ERC2: variants seen among roughly 807,000 people sequenced by gnomAD.
ERC2 encodes ERC protein 2.
In ERC2, 42 loss-of-function variants were observed where a neutral mutation model predicts 114.8. The observed-to-expected ratio is 0.37, with a 90% CI of 0.29 to 0.47. The LOEUF is 0.47. Among genes scored for constraint, ERC2 ranks in the 20% least tolerant of loss-of-function variants. The pLI, the probability that ERC2 is intolerant of heterozygous loss-of-function variation, is 0.99. For synonymous variants in ERC2, 454 were observed against 425.5 expected (o/e 1.07, Z -0.82); for missense variants, 939 against 1,150.7 (o/e 0.82, Z 2.66).
chr3:55,946,852 A>G (rs1321286988), intron 13 of ERC2, among the ~76,000 whole-genome samples: 1 of 152,206 alleles, frequency 6.6e-6, no homozygotes, highest in Non-Finnish European at 1.5e-5. Context: ...CCTCTGAGAA[A>G]CAATAATTCA....
chr3:55,749,984 C>A (rs1344402466), intron 14 of ERC2, among the ~76,000 whole-genome samples: 1 of 152,176 alleles, frequency 6.6e-6, no homozygotes, highest in Non-Finnish European at 1.5e-5. Context: ...GAAAAGATAT[C>A]TTTAAGGATG....
At chr3:55,823,494 G>A (rs1296543393) in intron 14 of ERC2, among the ~76,000 whole-genome samples, 2 of 152,008 alleles carry the variant, frequency 1.3e-5, no homozygotes, top group African/African-American at 2.4e-5. Flanking sequence ...TACCCAGCCT[G>A]AGTCATTCAT....
At chr3:55,680,209 G>A (rs772127507) in intron 17 of ERC2, among the ~76,000 whole-genome samples, 13 of 152,222 alleles carry the variant, frequency 8.5e-5, no homozygotes, top group Middle Eastern at 6.8e-3. Context: ...TTTATGAATC[G>A]GGTCCTAAAA....
intron 14 of ERC2, among the ~76,000 whole-genome samples, chr3:55,864,095 AG>A: frequency 1.0e-5 from 1 of 98,012 alleles, no homozygotes; most frequent in Middle Eastern, 5.0e-3. Flanking sequence ...AATCAGCAGC[AG>A]GTATATATAT....
chr3:56,381,621 C>T (rs1228148326), intron 2 of ERC2, among the ~76,000 whole-genome samples: 1 of 148,688 alleles, frequency 6.7e-6, no homozygotes, highest in Non-Finnish European at 1.5e-5. Context: ...CAAAGATCAA[C>T]TTAAGGAGAA....
At chr3:55,734,087 C>T (rs2065471509) in intron 15 of ERC2, among the ~76,000 whole-genome samples, 1 of 152,170 alleles carries the variant, frequency 6.6e-6, no homozygotes, top group African/African-American at 2.4e-5. Context: ...AGAAAACCTT[C>T]CAGAGAGCAA....
At chr3:56,412,875 A>G (rs2060996149) in intron 2 of ERC2, among the ~76,000 whole-genome samples, 1 of 152,258 alleles carries the variant, frequency 6.6e-6, no homozygotes, top group Non-Finnish European at 1.5e-5. Context: ...CTATAAAGTC[A>G]GGAATATGGC....
intron 3 of ERC2, among the ~76,000 whole-genome samples, chr3:56,181,626 T>C (rs531255963): frequency 2.4e-4 from 36 of 152,344 alleles, no homozygotes; most frequent in African/African-American, 7.0e-4. Context: ...CAACATTCTC[T>C]TTATAAAGTG....
At position 55,994,647 on chromosome 3, in the gene ERC2, T is replaced by TAAAAAAAAAAAAAAAAAAAAAAA. The variant is rs10662566; in HGVS notation, c.2062-2420_2062-2398dup. On this transcript the variant is annotated intron_variant, in intron 10 of 17. Transcript: ENST00000288221. Reference sequence around the variant, plus strand: ...CATTGACAAGATACTACATACTCCCTAAAAAAAAAAAAAAAAAAAAAAAAA... The same window carrying TAAAAAAAAAAAAAAAAAAAAAAA: ...CATTGACAAGATACTACATACTCCCTAAAAAAAAAAAAAAAAAAAAAAAAAAAAAAAAAAAAAAAAAAAAAAAA... Among the ~76,000 whole-genome samples, 15 of 61,396 alleles carry TAAAAAAAAAAAAAAAAAAAAAAA rather than the reference T, an allele frequency of 2.4e-4. 7 individuals carry two copies. Among genetic ancestry groups the TAAAAAAAAAAAAAAAAAAAAAAA allele is most frequent in the Non-Finnish European group, 3.2e-4 (12 of 36,928 alleles). 40.3% of individuals were successfully genotyped at this position (61,396 alleles called of 152,430 possible). A position where few individuals can be genotyped will look rare whatever the true frequency, so the allele number is the denominator to read the frequency against.
chr3:55,989,915 C>T (rs928483422), intron 11 of ERC2, among the ~76,000 whole-genome samples: 1 of 152,138 alleles, frequency 6.6e-6, no homozygotes, highest in Non-Finnish European at 1.5e-5. Flanking sequence ...TAGCTCACCA[C>T]TTCTCAGAGC....
intron 9 of ERC2, among the ~76,000 whole-genome samples, chr3:56,009,592 C>G (rs1310823482): frequency 2.0e-5 from 3 of 152,054 alleles, no homozygotes; most frequent in African/African-American, 2.4e-5. Flanking sequence ...TATAACAGCT[C>G]TAAAGAAGAT....
chr3:56,000,429 C>G (rs1277565754), intron 10 of ERC2, among the ~76,000 whole-genome samples: 1 of 151,902 alleles, frequency 6.6e-6, no homozygotes, highest in Admixed American at 6.6e-5. Context: ...ATATAAAACA[C>G]AGAATAACTC....
At chr3:55,819,692 T>A (rs1418881507) in intron 14 of ERC2, among the ~76,000 whole-genome samples, 1 of 152,130 alleles carries the variant, frequency 6.6e-6, no homozygotes, top group East Asian at 1.9e-4. Flanking sequence ...TGGGATAGCA[T>A]CTATTAGACA....
At chr3:56,094,357 A>G (rs1283861860) in intron 6 of ERC2, among the ~76,000 whole-genome samples, 1 of 152,110 alleles carries the variant, frequency 6.6e-6, no homozygotes, top group Non-Finnish European at 1.5e-5. Context: ...TGATGTAAGT[A>G]CTGCTTAAAG....
intron 15 of ERC2, among the ~76,000 whole-genome samples, chr3:55,718,323 T>G (rs924216238): frequency 2.6e-5 from 4 of 152,088 alleles, no homozygotes; most frequent in African/African-American, 7.2e-5. Context: ...TTGAGAAGAT[T>G]TGAGTCCGTT....
At chr3:56,177,534 G>A (rs2083046322) in intron 3 of ERC2, among the ~76,000 whole-genome samples, 1 of 152,174 alleles carries the variant, frequency 6.6e-6, no homozygotes, top group Non-Finnish European at 1.5e-5. Flanking sequence ...AAATCAAACA[G>A]GAGGAGTGGA....
intron 7 of ERC2, among the ~76,000 whole-genome samples, chr3:56,078,068 G>T (rs920812018): frequency 5.9e-5 from 9 of 152,084 alleles, no homozygotes; most frequent in Admixed American, 5.9e-4. Context: ...TCCAAGACAG[G>T]CTACTATAAC....
chr3:56,369,306 C>T (rs2059271954), intron 2 of ERC2, among the ~76,000 whole-genome samples: 1 of 152,218 alleles, frequency 6.6e-6, no homozygotes, highest in Non-Finnish European at 1.5e-5. Context: ...CACTGTCTAT[C>T]ACTGGATCCC....
At chr3:55,834,518 C>T (rs1216385172) in intron 14 of ERC2, among the ~76,000 whole-genome samples, 1 of 151,900 alleles carries the variant, frequency 6.6e-6, no homozygotes, top group East Asian at 1.9e-4. Flanking sequence ...CTACTGGGTA[C>T]ATAATGAAAT....
Sources: gnomAD v4.1 joint callset for allele counts (sites outside exome capture counted in the v4.1 genomes callset) on GRCh38, gnomAD v4.1.1 for gene constraint, MANE v1.5 for transcripts, NCBI Gene and HGNC (gene_info 2026-07-23, HGNC 2026-07-21) for gene names.